SPAG16: variants seen among roughly 807,000 people sequenced by gnomAD.
SPAG16 encodes sperm-associated antigen 16 protein.
A neutral mutation model predicts 80.4 loss-of-function variants in SPAG16; 86 were observed. That is an observed-to-expected ratio of 1.07 (90% confidence interval 0.90 to 1.28). SPAG16 has a LOEUF of 1.28. Ranked by LOEUF, SPAG16 falls within the 50% of genes most tolerant of loss-of-function variation. The pLI is 0.00. For synonymous variants in SPAG16, 294 were observed against 265.9 expected, an observed-to-expected ratio of 1.11 and a Z score of -1.03; for missense variants, 870 against 765.3, an observed-to-expected ratio of 1.14 and a Z score of -1.61.
At position 213,932,260 on chromosome 2, in the gene SPAG16, G is replaced by T. The variant is rs188772563; in HGVS notation, c.1400+2115G>T. 1.5e-4 allele frequency among the ~76,000 whole-genome samples: 23 copies of T among 149,182 alleles called. No homozygotes were observed. The Admixed American group carries it at 1.6e-3, about 10-fold the overall frequency. ...GAATCTTGTTCTGTCACCCAGGCTA[G>T]AGTGCAGTGGCACAATCTCAGCTCA... On this transcript the variant is annotated intron_variant, in intron 12 of 15. Coordinates refer to ENST00000331683, the MANE Select transcript of SPAG16 (RefSeq NM_024532.5).
intron 15 of SPAG16, among the ~76,000 whole-genome samples, chr2:214,403,341 ATATT>A (rs1279596222): frequency 6.7e-6 from 1 of 148,590 alleles, no homozygotes; most frequent in Non-Finnish European, 1.5e-5. Flanking sequence ...TTATATATTT[ATATT>A]TATATATGAG....
chr2:213,889,690 C>T (rs549459736), intron 11 of SPAG16, among the ~76,000 whole-genome samples: 2 of 147,038 alleles, frequency 1.4e-5, no homozygotes, highest in African/African-American at 4.9e-5. Context: ...TATACATATA[C>T]ATATATATAC....
At chr2:213,774,144 C>A (rs2069426611) in intron 10 of SPAG16, among the ~76,000 whole-genome samples, 2 of 152,030 alleles carry the variant, frequency 1.3e-5, no homozygotes, top group African/African-American at 2.4e-5. Flanking sequence ...CTTTTGGTCT[C>A]TTTATCTTGA....
chr2:213,537,479 T>TA (rs908180446), intron 10 of SPAG16, among the ~76,000 whole-genome samples: 37 of 147,206 alleles, frequency 2.5e-4, no homozygotes, highest in Middle Eastern at 3.5e-3. Flanking sequence ...TTTTATAATT[T>TA]AAAAAAAAAA....
At chr2:214,228,093 A>C (rs1220673147) in intron 15 of SPAG16, among the ~76,000 whole-genome samples, 1 of 152,008 alleles carries the variant, frequency 6.6e-6, no homozygotes, top group African/African-American at 2.4e-5. Context: ...AGTATGCTGC[A>C]AGCATGCATT....
intron 10 of SPAG16, among the ~76,000 whole-genome samples, chr2:213,588,574 G>C (rs1321948320): frequency 6.7e-6 from 1 of 149,690 alleles, no homozygotes; most frequent in East Asian, 2.0e-4. Context: ...AGGCCGAGGC[G>C]GGTGGATCAC....
chr2:213,534,310 C>G (rs1006206528), intron 10 of SPAG16, among the ~76,000 whole-genome samples: 1 of 151,960 alleles, frequency 6.6e-6, no homozygotes, highest in African/African-American at 2.4e-5. Flanking sequence ...AGTACAGCCT[C>G]TATGGAAAAC....
intron 10 of SPAG16, among the ~76,000 whole-genome samples, chr2:213,828,913 A>T (rs1212736347): frequency 6.6e-6 from 1 of 152,130 alleles, no homozygotes; most frequent in Non-Finnish European, 1.5e-5. Flanking sequence ...TGAGCTGTCC[A>T]CAGCTGGAGG....
intron 10 of SPAG16, among the ~76,000 whole-genome samples, chr2:213,791,428 G>C (rs2070696455): frequency 2.0e-5 from 3 of 151,810 alleles, no homozygotes; most frequent in African/African-American, 4.8e-5. Context: ...TAGTTTTAAG[G>C]AATAAAATGG....
intron 15 of SPAG16, among the ~76,000 whole-genome samples, chr2:214,353,973 C>T (rs1193509793): frequency 6.6e-6 from 1 of 151,974 alleles, no homozygotes; most frequent in African/African-American, 2.4e-5. Context: ...CATTCATGCT[C>T]CTCAATAAAG....
intron 10 of SPAG16, among the ~76,000 whole-genome samples, chr2:213,689,527 G>C (rs1259287790): frequency 2.6e-5 from 3 of 116,698 alleles, no homozygotes; most frequent in African/African-American, 3.5e-5. Flanking sequence ...TAGTGCTGGG[G>C]CTTTTTTTTT....
intron 15 of SPAG16, among the ~76,000 whole-genome samples, chr2:214,203,649 C>T (rs1219277103): frequency 2.6e-5 from 4 of 152,112 alleles, no homozygotes; most frequent in African/African-American, 9.7e-5. Flanking sequence ...ATAGAAGAAG[C>T]AGTGGGAAGA....
At chr2:213,756,196 A>G (rs1321989197) in intron 10 of SPAG16, among the ~76,000 whole-genome samples, 4 of 152,150 alleles carry the variant, frequency 2.6e-5, no homozygotes, top group African/African-American at 9.7e-5. Flanking sequence ...AAAAAAGTCT[A>G]TGGGCCAGGC....
At chr2:213,768,555 A>G (rs1040335776) in intron 10 of SPAG16, among the ~76,000 whole-genome samples, 9 of 152,212 alleles carry the variant, frequency 5.9e-5, no homozygotes, top group African/African-American at 1.9e-4. Context: ...AGGTGTGGAA[A>G]GAGATCTAAA....
At chr2:213,555,478 C>T (rs182131279) in intron 10 of SPAG16, among the ~76,000 whole-genome samples, 1 of 152,306 alleles carries the variant, frequency 6.6e-6, no homozygotes, top group African/African-American at 2.4e-5. Context: ...TTCTCCTTTG[C>T]CTTCCACCAT....
intron 10 of SPAG16, among the ~76,000 whole-genome samples, chr2:213,838,470 G>A (rs943251957): frequency 3.9e-5 from 6 of 152,182 alleles, no homozygotes; most frequent in Admixed American, 3.3e-4. Context: ...ACTGCGCTGG[G>A]CCATCTCTGA....
At chr2:213,712,093 T>G (rs1272831974) in intron 10 of SPAG16, among the ~76,000 whole-genome samples, 1 of 152,110 alleles carries the variant, frequency 6.6e-6, no homozygotes, top group Admixed American at 6.5e-5. Flanking sequence ...AGGAAAATGG[T>G]GTCTTCTAGA....
At chr2:213,563,993 A>T (rs1483067284) in intron 10 of SPAG16, among the ~76,000 whole-genome samples, 1 of 152,210 alleles carries the variant, frequency 6.6e-6, no homozygotes. Flanking sequence ...AAAGGAGGAA[A>T]GGGAGCTTTG....
intron 10 of SPAG16, among the ~76,000 whole-genome samples, chr2:213,850,680 G>T (rs941462132): frequency 6.9e-6 from 1 of 144,154 alleles, no homozygotes; most frequent in African/African-American, 2.5e-5. Flanking sequence ...TTCGAGAAGA[G>T]AAATTCTGTT....
Sources: gnomAD v4.1 joint callset for allele counts (sites outside exome capture counted in the v4.1 genomes callset) on GRCh38, gnomAD v4.1.1 for gene constraint, MANE v1.5 for transcripts, NCBI Gene and HGNC (gene_info 2026-07-23, HGNC 2026-07-21) for gene names.